Variants in CAGE1 observed in about 807,000 individuals in gnomAD.
CAGE1 encodes cancer-associated gene 1 protein.
A neutral mutation model predicts 94.9 loss-of-function variants in CAGE1; 66 were observed. That is an observed-to-expected ratio of 0.70 (90% CI 0.57 to 0.85). The LOEUF (loss-of-function observed/expected upper bound fraction) is 0.85. CAGE1 is among the 40% of genes least tolerant of loss of function. The pLI is 0.00. For synonymous variants in CAGE1, 319 were observed against 321.0 expected (o/e 0.99, Z 0.07); for missense variants, 865 against 950.4 (o/e 0.91, Z 1.18).
chr6:7,355,229 C>A (rs932408661), intron 10 of CAGE1, 118 bp from the exon 11 acceptor site: 26 of 593,792 alleles, frequency 4.4e-5, no homozygotes, highest in East Asian at 1.2e-4. Context: ...TCATAATAGG[C>A]AAAACACTTT....
Position 7,373,558 on chromosome 6 carries a change from G to A in CAGE1, c.1261C>T (p.Gln421Ter). 1.2e-6 allele frequency: 2 copies of A among 1,613,372 alleles called. No individual in the cohort carries two copies. The highest frequency in any genetic ancestry group is 2.2e-5 in the South Asian group (2 of 91,038). The change falls in exon 5 of 14, where the codon CAG (glutamine) becomes TAG (stop). Residue 421 changes from glutamine (Q) to a stop codon, truncating the protein, a stop_gained. Transcript: ENST00000502583. LOFTEE classifies it high-confidence loss of function. ...TGCATTTCAGTCATGTACCTTTCCT[G>A]TAAACACACATAATTAGCCTTGATC... ...KKIKANYVCL[Q>*]ERYMTEMQQK...
chr6:7,386,595 C>A (rs1761127322), intron 2 of CAGE1, among the ~76,000 whole-genome samples: 1 of 152,154 alleles, frequency 6.6e-6, no homozygotes, highest in Non-Finnish European at 1.5e-5. Context: ...TCAGTTTTAA[C>A]ACTGTGTGTA....
At position 7,356,048 on chromosome 6, in the gene CAGE1, G is replaced by A; in HGVS notation, c.2275C>T (p.His759Tyr). 1 of 1,544,436 alleles carries A rather than the reference G, an allele frequency of 6.5e-7. No individual in the cohort carries two copies. The highest frequency in any genetic ancestry group is 1.2e-5 in the South Asian group (1 of 83,900). Residue 759 changes from histidine (H) to tyrosine (Y), a missense_variant, in exon 10 of 14, where the codon CAT becomes TAT. His to Tyr is a moderately conservative substitution (Grantham distance 83, BLOSUM62 2). Coordinates refer to ENST00000502583, the MANE Select transcript of CAGE1 (RefSeq NM_001170692.2). The part of the protein sequence containing the change: ...LIEENDKYQR[H>Y]LGNLIKKVTS... ...ACCTTCTTTATTAAGTTGCCTAAAT[G>A]TCTTTGATACTTGTCATTTTCTTCA...
At position 7,328,934 on chromosome 6, in the gene CAGE1, ATTTT is replaced by A. The variant is rs869241612; in HGVS notation, c.2478+911_2478+914del. 5.5e-4 allele frequency among the ~76,000 whole-genome samples: 59 copies of A among 106,810 alleles called. 1 individual carries two copies. Among genetic ancestry groups the A allele is most frequent in the African/African-American group, 2.3e-3 (56 of 24,752 alleles). 70.1% of individuals were successfully genotyped at this position (106,810 alleles called of 152,430 possible). On this transcript the variant is annotated intron_variant, in intron 13 of 13. Transcript: ENST00000502583. ...TGTGTGTGTGTATATATATATATAT[ATTTT>A]TTTTTTTTTTTGAGATAGAGTCTCT... is the stretch of plus-strand genomic sequence containing the variant.
chr6:7,339,099 A>T lies in CAGE1; in HGVS notation c.2370-5009T>A. On this transcript the variant is annotated intron_variant, in intron 11 of 13. Coordinates refer to ENST00000502583, the MANE Select transcript of CAGE1 (RefSeq NM_001170692.2). This position sits in a 1 kb window ranked among gnomAD's most constrained non-coding sequence, Gnocchi z 4.7. ...GTTAACAGGGTCTCTGCTGTGGATC[A>T]TCAGGCCGTCCACAAACTTCATGGA... 1 of 1,591,674 alleles carries T rather than the reference A, an allele frequency of 6.3e-7. No individual in the cohort carries two copies. The highest frequency in any genetic ancestry group is 8.6e-7 in the Non-Finnish European group (1 of 1,160,402).
intron 5 of CAGE1, among the ~76,000 whole-genome samples, chr6:7,371,937 G>A (rs763043775): frequency 3.3e-5 from 5 of 152,134 alleles, no homozygotes; most frequent in Non-Finnish European, 7.3e-5. Context: ...GCTCTGTCTT[G>A]TGAAAATTAT....
Position 7,329,846 on chromosome 6 carries a change from T to C in CAGE1, c.2478+3A>G. The C allele has an allele frequency of 7.1e-7, 1 of 1,401,192 alleles. No individual in the cohort carries two copies. Among genetic ancestry groups the C allele is most frequent in the South Asian group, 1.2e-5 (1 of 81,208 alleles). The allele number at this position is 1,401,192 out of a possible 1,614,324, so 86.8% of individuals were successfully genotyped here. A position where few individuals can be genotyped will look rare whatever the true frequency, so the allele number is the denominator to read the frequency against. On this transcript the variant is annotated splice_donor_region_variant and intron_variant, in intron 13 of 13. Transcript: ENST00000502583. ...CTTTATCATGATCATCAAGGTGACC[T>C]ACCATGGTCATGGACTTCGGATGAT...
chr6:7,331,619 G>A (rs1041868595), intron 12 of CAGE1: 23 of 283,068 alleles, frequency 8.1e-5, no homozygotes, highest in African/African-American at 4.9e-4. Flanking sequence ...GCAACTCTAC[G>A]CTGTTTAAGA....
Position 7,385,765 on chromosome 6 carries a change from G to C in CAGE1, c.283+20C>G. The stretch of plus-strand genomic sequence containing the variant: ...AAAAAGTTTCTCTCTTTTGCATATT[G>C]CTAACAAGTAGATACTTACCATTTA... On this transcript the variant is annotated intron_variant, in intron 3 of 13. Coordinates refer to ENST00000502583, the MANE Select transcript of CAGE1 (RefSeq NM_001170692.2). 1.4e-6 allele frequency: 2 copies of C among 1,447,712 alleles called. No individual in the cohort carries two copies. Among genetic ancestry groups the C allele is most frequent in the South Asian group, 1.3e-5 (1 of 74,662 alleles). The allele number at this position is 1,447,712 out of a possible 1,614,324, so 89.7% of individuals were successfully genotyped here.
chr6:7,374,795 T>C (rs1460054009), intron 4 of CAGE1, among the ~76,000 whole-genome samples: 2 of 152,212 alleles, frequency 1.3e-5, no homozygotes, highest in South Asian at 2.1e-4. Context: ...TTTGGGAGAC[T>C]GAGGTGGGTG....
Position 7,389,264 on chromosome 6 carries a change from G to C in CAGE1, c.-86C>G, listed in dbSNP as rs1350058701. ...CAAAACGAGACACCAAACTTTTTAAGACACAAAAGTGTGCTCACTTCCAGG... is the reference window on the plus strand; with the variant it reads ...CAAAACGAGACACCAAACTTTTTAACACACAAAAGTGTGCTCACTTCCAGG... On this transcript the variant is annotated 5_prime_UTR_variant, in exon 1 of 14. Transcript: ENST00000502583. The C allele has an allele frequency of 2.2e-6, 1 of 456,196 alleles. No individual in the cohort carries two copies. The highest frequency in any genetic ancestry group is 2.3e-5 in the Admixed American group (1 of 42,576). 28.3% of individuals were successfully genotyped at this position (456,196 alleles called of 1,614,324 possible).
chr6:7,345,577 ATG>A (rs1759457820), intron 11 of CAGE1, among the ~76,000 whole-genome samples: 2 of 152,194 alleles, frequency 1.3e-5, no homozygotes, highest in African/African-American at 4.8e-5. Flanking sequence ...TAGAAAAACA[ATG>A]TCACTAATAG....
intron 11 of CAGE1, among the ~76,000 whole-genome samples, chr6:7,334,449 C>A (rs1178514009): frequency 6.6e-6 from 1 of 152,102 alleles, no homozygotes; most frequent in African/African-American, 2.4e-5. Flanking sequence ...AAACTCCTGG[C>A]TAGACATGGT....
intron 11 of CAGE1, chr6:7,341,670 A>C: frequency 1.4e-6 from 1 of 723,836 alleles, no homozygotes; most frequent in Non-Finnish European, 2.6e-6. Flanking sequence ...GAATCAACTC[A>C]ACCTTCACGT....
chr6:7,349,680 C>A (rs373477594), intron 11 of CAGE1, among the ~76,000 whole-genome samples: 5 of 152,078 alleles, frequency 3.3e-5, no homozygotes, highest in African/African-American at 7.2e-5. Context: ...TGCCTGTAAT[C>A]CCAGCACTTT....
At chr6:7,374,719 G>C (rs939216758) in intron 4 of CAGE1, among the ~76,000 whole-genome samples, 6 of 152,124 alleles carry the variant, frequency 3.9e-5, no homozygotes, top group African/African-American at 1.4e-4. Context: ...TGCCGATAGA[G>C]GTCTCGAGGA....
chr6:7,339,203 C>A lies in CAGE1; in HGVS notation c.2370-5113G>T. 6.6e-7 allele frequency: 1 copy of A among 1,526,102 alleles called. No individual in the cohort carries two copies. Among genetic ancestry groups the A allele is most frequent in the Non-Finnish European group, 9.1e-7 (1 of 1,101,298 alleles). 94.5% of individuals were successfully genotyped at this position (1,526,102 alleles called of 1,614,324 possible). On this transcript the variant is annotated intron_variant, in intron 11 of 13. Coordinates refer to ENST00000502583, the MANE Select transcript of CAGE1 (RefSeq NM_001170692.2). The surrounding 1 kb of genome is among the most constrained non-coding windows in gnomAD (Gnocchi z 4.7). ...CCCCAGTTTCCATGATGAACCGCGACACACCATAGCAGGCCCTCCGCACAG... is the reference window on the plus strand; with the variant it reads ...CCCCAGTTTCCATGATGAACCGCGAAACACCATAGCAGGCCCTCCGCACAG...
intron 9 of CAGE1, among the ~76,000 whole-genome samples, chr6:7,357,053 C>G (rs1264147940): frequency 1.3e-5 from 2 of 152,158 alleles, no homozygotes; most frequent in Non-Finnish European, 2.9e-5. Context: ...CCCCGTCGGC[C>G]TCCCAAAGTG....
At chr6:7,367,278 A>G (rs1220289075) in intron 7 of CAGE1, among the ~76,000 whole-genome samples, 1 of 111,220 alleles carries the variant, frequency 9.0e-6, no homozygotes, top group Non-Finnish European at 1.8e-5. Flanking sequence ...TATTTGGGGG[A>G]TTTTTTTTTT....
Sources: allele counts gnomAD v4.1 joint callset (sites outside exome capture counted in the v4.1 genomes callset), GRCh38; gene constraint gnomAD v4.1.1; non-coding constraint Gnocchi (gnomAD v3.1); transcripts MANE v1.5; gene names NCBI Gene and HGNC (gene_info 2026-07-23, HGNC 2026-07-21).